The following AFF3 variants were observed in gnomAD, a reference collection of about 807,000 sequenced individuals.
AFF3 encodes the protein AF4/FMR2 family member 3.
A neutral mutation model predicts 129.7 loss-of-function variants in AFF3; 32 were observed. The ratio of observed to expected loss-of-function variants is 0.25; its 90% CI spans 0.19 to 0.33. AFF3 has a LOEUF of 0.33. Ranked by LOEUF, AFF3 falls within the 10% of genes least tolerant of loss-of-function variation. The probability of loss-of-function intolerance (pLI) is 1.00; values close to 1 mark genes in which losing one functional copy is unlikely to be tolerated. For missense variants in AFF3, 1,373 were observed against 1,592.0 expected (o/e 0.86, Z 2.34); for synonymous variants, 644 against 635.4 (o/e 1.01, Z -0.20).
Position 99,905,896 on chromosome 2 carries a change from GA to G in AFF3, c.874-68373del, listed in dbSNP as rs755559283. On this transcript the variant is annotated intron_variant, in intron 7 of 24. Coordinates refer to ENST00000672756, the MANE Select transcript of AFF3 (RefSeq NM_001386135.1). The stretch of plus-strand genomic sequence containing the variant: ...TATCACGCCCTCCACTGCCATCAGA[GA>G]ATCATTCCCATTCAATGTTTTTTTT... Among the ~76,000 whole-genome samples the G allele has an allele frequency of 2.0e-3, 304 of 152,104 alleles. 2 individuals are homozygous for G. The highest frequency in any genetic ancestry group is 3.0e-3 in the Non-Finnish European group (206 of 67,990).
At chr2:99,793,357 T>C (rs993417661) in intron 8 of AFF3, among the ~76,000 whole-genome samples, 9 of 152,160 alleles carry the variant, frequency 5.9e-5, no homozygotes, top group African/African-American at 1.9e-4. Flanking sequence ...CAAACAAACA[T>C]CTTTTCTTTG....
chr2:99,601,535 G>T lies in AFF3; in HGVS notation c.1271C>A (p.Ser424Tyr). 6.2e-7 allele frequency: 1 copy of T among 1,603,808 alleles called. No individual in the cohort carries two copies. The highest frequency in any genetic ancestry group is 1.1e-5 in the South Asian group (1 of 89,386). ...GGAGCTGCTCTCTGAGTCGCTGGAGGAGCTGCTGCTGCCGCTGCTGCTGCT... is the reference window on the plus strand; with the variant it reads ...GGAGCTGCTCTCTGAGTCGCTGGAGTAGCTGCTGCTGCCGCTGCTGCTGCT... ...SSSSSSGSSS[S>Y]SSDSESSSGS... The change falls in exon 14 of 25, where the codon TCC becomes TAC. Residue 424 changes from serine (S) to tyrosine (Y), a missense_variant. Physicochemically the swap from Ser to Tyr is moderately radical, Grantham distance 144. Transcript: ENST00000672756.
At chr2:99,983,354 T>A (rs542050574) in intron 7 of AFF3, among the ~76,000 whole-genome samples, 2 of 152,214 alleles carry the variant, frequency 1.3e-5, no homozygotes, top group African/African-American at 4.8e-5. Flanking sequence ...TGTTCCCCAA[T>A]AGATCTTGAT....
chr2:100,000,091 T>G (rs1324646665), intron 7 of AFF3, among the ~76,000 whole-genome samples: 1 of 152,218 alleles, frequency 6.6e-6, no homozygotes, highest in Admixed American at 6.5e-5. Flanking sequence ...TGGTTAATCA[T>G]GTGGAGATAA....
Position 99,749,219 on chromosome 2 carries a change from G to T in AFF3, c.1002+3002C>A, listed in dbSNP as rs1274617926. 3.3e-5 allele frequency among the ~76,000 whole-genome samples: 5 copies of T among 152,116 alleles called. No homozygotes were observed. The South Asian group carries it at 6.2e-4, about 19-fold the overall frequency. On this transcript the variant is annotated intron_variant, in intron 9 of 24. Transcript: ENST00000672756. ...TGATATATTAATTAGCTTGATTGTG[G>T]TGATTATTTCACAATATCAAAACAT...
intron 4 of AFF3, among the ~76,000 whole-genome samples, chr2:100,051,176 G>C (rs1333381902): frequency 6.6e-6 from 1 of 152,166 alleles, no homozygotes; most frequent in Non-Finnish European, 1.5e-5. Flanking sequence ...CTGCCGGTTA[G>C]GGCAGACATC....
chr2:99,672,921 C>A (rs1230577416), intron 11 of AFF3, among the ~76,000 whole-genome samples: 1 of 152,090 alleles, frequency 6.6e-6, no homozygotes, highest in Non-Finnish European at 1.5e-5. Context: ...TTGGAATGTT[C>A]CCAACAGGAA....
chr2:100,135,672 T>G lies in AFF3; in HGVS notation c.-227-6366A>C, dbSNP rs567599277. Among the ~76,000 whole-genome samples, 7 of 152,292 alleles carry G rather than the reference T, an allele frequency of 4.6e-5. No individual in the cohort carries two copies. The South Asian group carries it at 8.3e-4, about 18-fold the overall frequency. On this transcript the variant is annotated intron_variant, in intron 1 of 24. Coordinates refer to ENST00000672756, the MANE Select transcript of AFF3 (RefSeq NM_001386135.1). ...TGCGGAAGGTTGTTTTGAGCCACCA[T>G]GGTTTAGGGTAGTTGGTTATGCGGC...
At chr2:100,141,787 G>A (rs1200944208) in intron 1 of AFF3, among the ~76,000 whole-genome samples, 2 of 152,042 alleles carry the variant, frequency 1.3e-5, no homozygotes, top group Admixed American at 6.6e-5. Flanking sequence ...ATATGTGTGT[G>A]TACATATATA....
chr2:99,811,809 A>G (rs1021997657), intron 8 of AFF3, among the ~76,000 whole-genome samples: 1 of 152,264 alleles, frequency 6.6e-6, no homozygotes, highest in Admixed American at 6.5e-5. Flanking sequence ...CACAGTTAAA[A>G]TAAGTCACAC....
intron 7 of AFF3, among the ~76,000 whole-genome samples, chr2:99,924,976 A>G (rs77066091): frequency 2.0e-5 from 3 of 151,944 alleles, no homozygotes; most frequent in Admixed American, 6.6e-5. Flanking sequence ...TCCGGGCTCA[A>G]GCAGTCCTTC....
intron 8 of AFF3, among the ~76,000 whole-genome samples, chr2:99,767,005 A>T: frequency 6.6e-6 from 1 of 152,344 alleles, no homozygotes; most frequent in East Asian, 1.9e-4. Context: ...TTCACTGACA[A>T]CACAGACACA....
intron 4 of AFF3, among the ~76,000 whole-genome samples, chr2:100,012,388 C>A (rs1682633960): frequency 6.6e-6 from 1 of 152,120 alleles, no homozygotes; most frequent in African/African-American, 2.4e-5. Context: ...AAGCACAAGC[C>A]CCCCACCACA....
At chr2:100,007,602 G>A (rs532801533) in intron 5 of AFF3, 142 bp from the exon 6 acceptor site, 44 of 761,876 alleles carry the variant, frequency 5.8e-5, no homozygotes, top group African/African-American at 5.2e-4. Context: ...AATCCTTATC[G>A]TCTCTGAAGA....
In AFF3 at chr2:99,547,320, C is replaced by T. The variant is rs1674107593; in HGVS notation, c.*4154G>A. On this transcript the variant is annotated 3_prime_UTR_variant, in exon 25 of 25. Coordinates refer to ENST00000672756, the MANE Select transcript of AFF3 (RefSeq NM_001386135.1). ...AAGGCAGACATGTTTAATCCAAGTC[C>T]GTTTATAAATTCCAATTTCACATGG... 3 of 215,956 alleles carry T rather than the reference C, an allele frequency of 1.4e-5. No individual in the cohort carries two copies. Among genetic ancestry groups the T allele is most frequent in the Non-Finnish European group, 1.9e-5 (2 of 106,824 alleles). 13.4% of individuals were successfully genotyped at this position (215,956 alleles called of 1,614,324 possible). A position where few individuals can be genotyped will look rare whatever the true frequency, so the allele number is the denominator to read the frequency against.
intron 12 of AFF3, among the ~76,000 whole-genome samples, chr2:99,655,406 A>C (rs1246897932): frequency 6.6e-6 from 1 of 152,160 alleles, no homozygotes; most frequent in Non-Finnish European, 1.5e-5. Context: ...AAGGATAAAG[A>C]AAAATGATCA....
rs111947882 is a variant in AFF3 at position 99,983,233 on chromosome 2, G to C, written c.873+23399C>G. On this transcript the variant is annotated intron_variant, in intron 7 of 24. Transcript: ENST00000672756. ...GGTCTCGTCAAGTCATCAGCTACCAGCTATCCAATGGCAGAGGTGGCAGAG... is the reference window on the plus strand; with the variant it reads ...GGTCTCGTCAAGTCATCAGCTACCACCTATCCAATGGCAGAGGTGGCAGAG... Among the ~76,000 whole-genome samples, 288 of 152,322 alleles carry C rather than the reference G, an allele frequency of 1.9e-3. 1 individual carries two copies. Among genetic ancestry groups the C allele is most frequent in the South Asian group, 3.3e-3 (16 of 4,830 alleles).
intron 7 of AFF3, among the ~76,000 whole-genome samples, chr2:99,950,027 T>A (rs1406368329): frequency 6.6e-6 from 1 of 152,210 alleles, no homozygotes; most frequent in Non-Finnish European, 1.5e-5. Context: ...GAAATCACTC[T>A]ACTCTTCTAT....
At chr2:99,959,991 C>T (rs1461800762) in intron 7 of AFF3, among the ~76,000 whole-genome samples, 1 of 152,072 alleles carries the variant, frequency 6.6e-6, no homozygotes, top group African/African-American at 2.4e-5. Context: ...GTGTTGCTTA[C>T]TGTTACATTT....
Sources: allele counts gnomAD v4.1 joint callset (sites outside exome capture counted in the v4.1 genomes callset), GRCh38; gene constraint gnomAD v4.1.1; transcripts MANE v1.5; gene names NCBI Gene and HGNC (gene_info 2026-07-23, HGNC 2026-07-21).